ORC5: variants seen among roughly 807,000 people sequenced by gnomAD.
The protein encoded by ORC5 is origin recognition complex subunit 5.
ORC5 carries 39 observed loss-of-function variants against 58.8 expected under a neutral mutation model. The observed-to-expected ratio is 0.66, with a 90% CI of 0.51 to 0.87. ORC5 has a LOEUF of 0.87. Among genes scored for constraint, ORC5 ranks in the 40% least tolerant of loss-of-function variants. The probability of loss-of-function intolerance (pLI) is 0.00; values close to 1 mark genes in which losing one functional copy is unlikely to be tolerated. For synonymous variants in ORC5, 218 were observed against 177.6 expected, an observed-to-expected ratio of 1.23 and a Z score of -1.81; for missense variants, 493 against 506.3, an observed-to-expected ratio of 0.97 and a Z score of 0.25.
intron 11 of ORC5, among the ~76,000 whole-genome samples, 158 bp downstream of exon 11, chr7:104,165,077 T>C (rs1319737930): frequency 1.3e-5 from 2 of 152,216 alleles, no homozygotes; most frequent in African/African-American, 4.8e-5. Context: ...ATTCAATCAC[T>C]ATATTCAATA....
chr7:104,181,911 C>T (rs886191856), intron 8 of ORC5, among the ~76,000 whole-genome samples: 1 of 151,874 alleles, frequency 6.6e-6, no homozygotes, highest in Admixed American at 6.6e-5. Flanking sequence ...AATCTTAAAT[C>T]GGCCTTGGTT....
rs748411334 is a variant in ORC5 at position 104,184,109 on chromosome 7, A to T, written c.733+14T>A. 6.3e-7 allele frequency: 1 copy of T among 1,592,080 alleles called. No homozygotes were observed. Among genetic ancestry groups the T allele is most frequent in the South Asian group, 1.1e-5 (1 of 88,642 alleles). On this transcript the variant is annotated intron_variant, in intron 7 of 13. Coordinates refer to ENST00000297431, the MANE Select transcript of ORC5 (RefSeq NM_002553.4). ...TCTCAAAATAAATATTAATGAGTAA[A>T]ATTACACAGTTACCTTCTCCTTTAA...
In ORC5 at chr7:104,138,060, G is replaced by C. The variant is rs1186430601; in HGVS notation, c.1150-1167C>G. On this transcript the variant is annotated intron_variant, in intron 12 of 13. Transcript: ENST00000297431. This position sits in a 1 kb window ranked among gnomAD's most constrained non-coding sequence, Gnocchi z 4.7. Reference sequence around the variant, plus strand: ...CCGTGAGATTGGAGCCCCACAACCTGCCCGTCTGCATGCTCCCATTAGAGG... The same window carrying C: ...CCGTGAGATTGGAGCCCCACAACCTCCCCGTCTGCATGCTCCCATTAGAGG... Among the ~76,000 whole-genome samples the C allele has an allele frequency of 6.6e-6, 1 of 152,178 alleles. No homozygotes were observed. Among genetic ancestry groups the C allele is most frequent in the Non-Finnish European group, 1.5e-5 (1 of 68,032 alleles).
chr7:104,191,901 G>A (rs185241219), intron 5 of ORC5, among the ~76,000 whole-genome samples: 4 of 152,056 alleles, frequency 2.6e-5, no homozygotes, highest in African/African-American at 9.7e-5. Flanking sequence ...CCAGTTGTGA[G>A]GGAGTAGGAA....
At chr7:104,182,640 G>A (rs1409775128) in intron 8 of ORC5, among the ~76,000 whole-genome samples, 1 of 151,954 alleles carries the variant, frequency 6.6e-6, no homozygotes, top group Admixed American at 6.6e-5. Context: ...TGGAAAAGGT[G>A]AGACCCATAT....
At chr7:104,172,004 T>C (rs1799220905) in intron 8 of ORC5, among the ~76,000 whole-genome samples, 1 of 152,350 alleles carries the variant, frequency 6.6e-6, no homozygotes, top group Admixed American at 6.5e-5. Flanking sequence ...TCACCACTAC[T>C]AGTCAACGTA....
intron 12 of ORC5, among the ~76,000 whole-genome samples, chr7:104,153,754 G>A (rs1174355895): frequency 6.6e-6 from 1 of 151,976 alleles, no homozygotes; most frequent in Non-Finnish European, 1.5e-5. Flanking sequence ...TAAAGATAAT[G>A]CCCACACTCA....
chr7:104,204,113 A>T, intron 2 of ORC5, 29 bp downstream of exon 2: 1 of 1,297,722 alleles, frequency 7.7e-7, no homozygotes, highest in Non-Finnish European at 1.1e-6. Flanking sequence ...TAAAAATGGC[A>T]AAGAAATATT....
At chr7:104,130,464 C>T (rs1798496222) in intron 13 of ORC5, among the ~76,000 whole-genome samples, 1 of 152,176 alleles carries the variant, frequency 6.6e-6, no homozygotes. Flanking sequence ...TACCCCCGGA[C>T]AGTTCTGTCA....
Position 104,136,173 on chromosome 7 carries a change from A to G in ORC5, c.1262+608T>C, listed in dbSNP as rs964360725. Among the ~76,000 whole-genome samples the G allele has an allele frequency of 1.3e-5, 2 of 152,144 alleles. No homozygotes were observed. Among genetic ancestry groups the G allele is most frequent in the African/African-American group, 4.8e-5 (2 of 41,428 alleles). ...CGACAGCCCCTGAAACACTTAAGACAGTTCACATGTCCTTCCTAAGGCTTT... is the reference window on the plus strand; with the variant it reads ...CGACAGCCCCTGAAACACTTAAGACGGTTCACATGTCCTTCCTAAGGCTTT... On this transcript the variant is annotated intron_variant, in intron 13 of 13. Transcript: ENST00000297431. The surrounding 1 kb of genome is among the most constrained non-coding windows in gnomAD (Gnocchi z 4.2).
intron 13 of ORC5, among the ~76,000 whole-genome samples, chr7:104,127,978 C>A (rs1311645173): frequency 6.6e-6 from 1 of 152,012 alleles, no homozygotes; most frequent in Non-Finnish European, 1.5e-5. Context: ...AACAATACTG[C>A]AGAACTAAAA....
Position 104,130,839 on chromosome 7 carries a change from T to C in ORC5, c.1263-3946A>G, listed in dbSNP as rs138929740. On this transcript the variant is annotated intron_variant, in intron 13 of 13. Coordinates refer to ENST00000297431, the MANE Select transcript of ORC5 (RefSeq NM_002553.4). Reference sequence around the variant, plus strand: ...TCCTGATCTACAAACATTAACTGAGTATCTATATGCTAGGCACTGAATTAT... The same window carrying C: ...TCCTGATCTACAAACATTAACTGAGCATCTATATGCTAGGCACTGAATTAT... Among the ~76,000 whole-genome samples the C allele has an allele frequency of 9.2e-5, 14 of 152,286 alleles. No homozygotes were observed. In the East Asian group the frequency reaches 2.5e-3, roughly 27 times the overall value.
At chr7:104,152,867 A>G (rs1798868406) in intron 12 of ORC5, among the ~76,000 whole-genome samples, 1 of 152,290 alleles carries the variant, frequency 6.6e-6, no homozygotes. Context: ...AATTTATGCA[A>G]TTTTTTAAAT....
At chr7:104,204,055 A>G in intron 2 of ORC5, 87 bp downstream of exon 2, 1 of 633,408 alleles carries the variant, frequency 1.6e-6, no homozygotes, top group Non-Finnish European at 2.7e-6. Context: ...GGTATGTTCA[A>G]TTTTGCATTT....
At chr7:104,143,490 C>T (rs1050699649) in intron 12 of ORC5, among the ~76,000 whole-genome samples, 10 of 152,032 alleles carry the variant, frequency 6.6e-5, no homozygotes, top group East Asian at 3.9e-4. Context: ...CAAGATTCCC[C>T]GGCTAAATTA....
chr7:104,183,675 C>T (rs76808539), intron 8 of ORC5, among the ~76,000 whole-genome samples: 6,803 of 152,286 alleles, frequency 0.045, 503 homozygotes, highest in African/African-American at 0.15. Flanking sequence ...TCTGAACTGG[C>T]GCCATCCTTG....
chr7:104,183,788 A>C (rs916163963), intron 8 of ORC5, among the ~76,000 whole-genome samples, 155 bp downstream of exon 8: 5 of 152,234 alleles, frequency 3.3e-5, no homozygotes, highest in African/African-American at 1.2e-4. Flanking sequence ...CTGAAGATGC[A>C]GAGTTTACTA....
chr7:104,170,476 T>C (rs1799191867), intron 8 of ORC5, among the ~76,000 whole-genome samples: 1 of 152,164 alleles, frequency 6.6e-6, no homozygotes, highest in Non-Finnish European at 1.5e-5. Flanking sequence ...GCTACACTGC[T>C]AGCTTAGAAG....
intron 1 of ORC5, 118 bp downstream of exon 1, chr7:104,207,715 A>T: frequency 1.2e-6 from 1 of 835,122 alleles, no homozygotes; most frequent in Non-Finnish European, 2.0e-6. Flanking sequence ...ACCCCTATTT[A>T]ACGTAAAAAC....
Sources: allele counts gnomAD v4.1 joint callset (sites outside exome capture counted in the v4.1 genomes callset), GRCh38; gene constraint gnomAD v4.1.1; non-coding constraint Gnocchi (gnomAD v3.1); transcripts MANE v1.5; gene names NCBI Gene and HGNC (gene_info 2026-07-23, HGNC 2026-07-21).